The following CADM2 variants were observed in gnomAD, a reference collection of about 807,000 sequenced individuals.
The protein encoded by CADM2 is cell adhesion molecule 2, also known as immunoglobulin superfamily member 4D.
A neutral mutation model predicts 49.8 loss-of-function variants in CADM2; 12 were observed. The ratio of observed to expected loss-of-function variants is 0.24; its 90% CI spans 0.15 to 0.39. The LOEUF (loss-of-function observed/expected upper bound fraction) is 0.39, where lower values mean the gene tolerates loss of function less well. Among genes scored for constraint, CADM2 ranks in the 10% least tolerant of loss-of-function variants. CADM2 has a pLI of 1.00. For missense variants in CADM2, 378 were observed against 492.3 expected, an observed-to-expected ratio of 0.77 and a Z score of 2.20; for synonymous variants, 214 against 175.4, an observed-to-expected ratio of 1.22 and a Z score of -1.74.
At chr3:85,859,224 C>CTTT (rs397990427) in intron 3 of CADM2, among the ~76,000 whole-genome samples, 13,052 of 70,676 alleles carry the variant, frequency 0.18, 3,012 homozygotes, top group East Asian at 0.31. Context: ...TTTTTTTTGT[C>CTTT]TTTTTTTTTT....
At chr3:85,748,424 C>G (rs755331501) in intron 2 of CADM2, among the ~76,000 whole-genome samples, 2 of 152,042 alleles carry the variant, frequency 1.3e-5, no homozygotes, top group Non-Finnish European at 2.9e-5. Context: ...CCTTTCTAGT[C>G]AATTTATTTC....
chr3:85,682,189 G>A (rs2066058006), intron 1 of CADM2, among the ~76,000 whole-genome samples: 1 of 152,080 alleles, frequency 6.6e-6, no homozygotes. Flanking sequence ...AAGATTGAAT[G>A]AGCACTACAA....
intron 1 of CADM2, among the ~76,000 whole-genome samples, chr3:85,014,584 A>G (rs1367735568): frequency 1.3e-5 from 2 of 152,176 alleles, no homozygotes; most frequent in Non-Finnish European, 2.9e-5. Context: ...ACCCCCAAAC[A>G]TAGCAATTTA....
chr3:85,133,248 T>G (rs1471213647), intron 1 of CADM2, among the ~76,000 whole-genome samples: 1 of 152,040 alleles, frequency 6.6e-6, no homozygotes, highest in Non-Finnish European at 1.5e-5. Flanking sequence ...ACCCCAGAGG[T>G]TTGCCACCAC....
At chr3:85,014,339 T>G (rs2034150731) in intron 1 of CADM2, among the ~76,000 whole-genome samples, 1 of 151,868 alleles carries the variant, frequency 6.6e-6, no homozygotes, top group African/African-American at 2.4e-5. Flanking sequence ...AATGTTGTTA[T>G]AATTGTTTTA....
At chr3:85,149,562 T>TACAAATA (rs1236343742) in intron 1 of CADM2, among the ~76,000 whole-genome samples, 23 of 152,058 alleles carry the variant, frequency 1.5e-4, no homozygotes, top group African/African-American at 5.5e-4. Context: ...CCGTCTCTAC[T>TACAAATA]AAAAATAAAA....
At chr3:85,469,876 G>A (rs1472611686) in intron 1 of CADM2, among the ~76,000 whole-genome samples, 1 of 152,116 alleles carries the variant, frequency 6.6e-6, no homozygotes, top group African/African-American at 2.4e-5. Context: ...AGTATTATAA[G>A]GATGGACAAA....
intron 1 of CADM2, among the ~76,000 whole-genome samples, chr3:85,550,046 C>T (rs1173295858): frequency 6.6e-6 from 1 of 151,766 alleles, no homozygotes; most frequent in African/African-American, 2.4e-5. Context: ...TTTCATAATC[C>T]CAACACTCTT....
At position 86,033,495 on chromosome 3, in the gene CADM2, C is replaced by T. The variant is rs183647010; in HGVS notation, c.971-32110C>T. Among the ~76,000 whole-genome samples, 4 of 151,710 alleles carry T rather than the reference C, an allele frequency of 2.6e-5. No homozygotes were observed. The East Asian group carries it at 7.7e-4, about 29-fold the overall frequency. On this transcript the variant is annotated intron_variant, in intron 8 of 9. Coordinates refer to ENST00000383699, the MANE Select transcript of CADM2 (RefSeq NM_001167675.2). ...TCTGTACAGTAGGTGGGTATGCATA[C>T]ATAGGTGTGGGGAGTTTTATTTTAA...
chr3:85,131,051 C>T (rs114447058), intron 1 of CADM2, among the ~76,000 whole-genome samples: 4,587 of 152,044 alleles, frequency 0.03, 100 homozygotes, highest in East Asian at 0.044. Flanking sequence ...GCGTGGCATG[C>T]GCCTGTAATT....
intron 1 of CADM2, among the ~76,000 whole-genome samples, chr3:85,534,561 C>A (rs1453938131): frequency 6.6e-6 from 1 of 152,158 alleles, no homozygotes; most frequent in Non-Finnish European, 1.5e-5. Flanking sequence ...TCAGTATTAT[C>A]TAAGACTGCT....
chr3:85,988,208 T>A (rs1325986905), intron 8 of CADM2, among the ~76,000 whole-genome samples: 1 of 152,206 alleles, frequency 6.6e-6, no homozygotes, highest in Admixed American at 6.5e-5. Context: ...ATTGTAATAT[T>A]TTAAAACATC....
chr3:85,870,354 A>C (rs1418147607), intron 3 of CADM2, among the ~76,000 whole-genome samples: 1 of 151,932 alleles, frequency 6.6e-6, no homozygotes, highest in African/African-American at 2.4e-5. Context: ...TTGCCACCAA[A>C]GTCTTGAGCC....
intron 8 of CADM2, among the ~76,000 whole-genome samples, chr3:86,046,515 T>C (rs867108172): frequency 3.9e-5 from 6 of 152,032 alleles, no homozygotes; most frequent in Admixed American, 2.6e-4. Flanking sequence ...TTTATTGTAA[T>C]CACTTGAGGG....
chr3:85,524,238 A>G (rs1361431041), intron 1 of CADM2, among the ~76,000 whole-genome samples: 1 of 151,820 alleles, frequency 6.6e-6, no homozygotes, highest in Admixed American at 6.6e-5. Context: ...TTCCACACTG[A>G]TCTTTATTAT....
intron 3 of CADM2, among the ~76,000 whole-genome samples, chr3:85,882,269 G>A (rs1712926145): frequency 6.6e-6 from 1 of 151,826 alleles, no homozygotes; most frequent in South Asian, 2.1e-4. Context: ...AGAAAAAGAG[G>A]TCACTTTCTC....
At chr3:85,281,862 G>T (rs1212275682) in intron 1 of CADM2, among the ~76,000 whole-genome samples, 1 of 152,026 alleles carries the variant, frequency 6.6e-6, no homozygotes, top group East Asian at 1.9e-4. Context: ...ATCAGACTGT[G>T]AAACTAAGGA....
intron 1 of CADM2, among the ~76,000 whole-genome samples, chr3:85,566,489 T>C (rs1325133698): frequency 1.3e-5 from 2 of 152,166 alleles, no homozygotes; most frequent in African/African-American, 2.4e-5. Context: ...GCACTGTTTC[T>C]GCTTTTACCC....
chr3:85,300,539 A>G (rs1216555899), intron 1 of CADM2, among the ~76,000 whole-genome samples: 1 of 152,068 alleles, frequency 6.6e-6, no homozygotes, highest in Non-Finnish European at 1.5e-5. Context: ...GTTTCCATAG[A>G]TTATAAAATT....
Sources: allele counts gnomAD v4.1 joint callset (sites outside exome capture counted in the v4.1 genomes callset), GRCh38; gene constraint gnomAD v4.1.1; transcripts MANE v1.5; gene names NCBI Gene and HGNC (gene_info 2026-07-23, HGNC 2026-07-21).